INPP5J: variants seen among roughly 807,000 people sequenced by gnomAD.
The protein encoded by INPP5J is inositol polyphosphate-5-phosphatase J, also known as phosphatidylinositol 4,5-bisphosphate 5-phosphatase A.
Under a neutral mutation model 86.6 loss-of-function variants are expected in INPP5J, and 75 were observed. That is an observed-to-expected ratio of 0.87 (90% confidence interval 0.72 to 1.05). The LOEUF is 1.05. Ranked by LOEUF, INPP5J falls within the 50% of genes least tolerant of loss-of-function variation. INPP5J has a pLI of 0.00. For synonymous variants in INPP5J, 540 were observed against 550.0 expected (o/e 0.98, Z 0.25); for missense variants, 1,229 against 1,341.2 (o/e 0.92, Z 1.31).
chr22:31,127,921 C>G lies in INPP5J; in HGVS notation c.1788-30C>G, dbSNP rs776531507. ...CCTGTTGACACCCCCCACTGCCCCC[C>G]ACATCTCTCCCATCCCCCACCCCAA... On this transcript the variant is annotated intron_variant, in intron 6 of 12. Coordinates refer to ENST00000331075, the MANE Select transcript of INPP5J (RefSeq NM_001284285.2). 28 of 1,310,426 alleles carry G rather than the reference C, an allele frequency of 2.1e-5. No individual in the cohort carries two copies. In the East Asian group the frequency reaches 6.0e-4, roughly 28 times the overall value. 81.2% of individuals were successfully genotyped at this position (1,310,426 alleles called of 1,614,324 possible).
intron 1 of INPP5J, chr22:31,124,300 G>GA (rs1237450827): frequency 2.0e-6 from 2 of 987,910 alleles, no homozygotes; most frequent in Non-Finnish European, 2.4e-6. Flanking sequence ...AAGGGATTTG[G>GA]ATGTTTAGGG....
In INPP5J at chr22:31,125,084, G is replaced by A. The variant is rs780234281; in HGVS notation, c.345G>A (p.Val115=). The A allele has an allele frequency of 5.2e-6, 8 of 1,549,634 alleles. No homozygotes were observed. In the East Asian group the frequency reaches 1.5e-4, roughly 28 times the overall value. ...SLAPTSVGQL[V]MSASAGPKPP... ...CCCCAACATCTGTGGGCCAGCTGGT[G>A]ATGTCTGCCTCAGCTGGACCAAAGC... The change falls in exon 2 of 13, where the codon GTG becomes GTA. Residue 115 remains valine, a synonymous_variant. Coordinates refer to ENST00000331075, the MANE Select transcript of INPP5J (RefSeq NM_001284285.2).
chr22:31,126,703 G>A lies in INPP5J; in HGVS notation c.1476G>A (p.Gly492=). 6.2e-7 allele frequency: 1 copy of A among 1,613,638 alleles called. No homozygotes were observed. Among genetic ancestry groups the A allele is most frequent in the Non-Finnish European group, 8.5e-7 (1 of 1,179,566 alleles). The change falls in exon 4 of 13, where the codon GGG becomes GGA. Residue 492 remains glycine, a synonymous_variant. Transcript: ENST00000331075. ...GTGAGCTGTTCATGGATGCGCTAGG[G>A]CCCTTCAACTTCGTGCTGGTAACGC... ...QWSELFMDAL[G]PFNFVLVSSV... is the part of the protein sequence containing the mutation.
intron 11 of INPP5J, 31 bp from the exon 12 acceptor site, chr22:31,133,579 C>T (rs772406395): frequency 6.3e-7 from 1 of 1,599,530 alleles, no homozygotes; most frequent in Non-Finnish European, 8.5e-7. Context: ...CCCTGACCCC[C>T]AACTTAGGCT....
Position 31,123,069 on chromosome 22 carries a change from G to A in INPP5J, c.55G>A (p.Gly19Ser). The change falls in exon 1 of 13, where the codon GGT becomes AGT. Residue 19 changes from glycine (G) to serine (S), a missense_variant. By Grantham distance (56) the Gly-to-Ser change is moderately conservative. Coordinates refer to ENST00000331075, the MANE Select transcript of INPP5J (RefSeq NM_001284285.2). The part of the protein sequence containing the change: ...SRRPGTRAGL[G>S]SLPMPQGVAQ... ...GAGGCCAGGGACCCGGGCTGGCCTG[G>A]GTTCCCTGCCCATGCCCCAGGGTGT... 4 of 1,485,392 alleles carry A rather than the reference G, an allele frequency of 2.7e-6. No individual in the cohort carries two copies. The highest frequency in any genetic ancestry group is 3.6e-6 in the Non-Finnish European group (4 of 1,120,954). The allele number at this position is 1,485,392 out of a possible 1,614,324, so 92.0% of individuals were successfully genotyped here.
intron 9 of INPP5J, among the ~76,000 whole-genome samples, chr22:31,131,507 G>C (rs1922061009): frequency 1.3e-5 from 2 of 151,674 alleles, no homozygotes; most frequent in African/African-American, 2.4e-5. Flanking sequence ...AGGTTGCAGT[G>C]AGTTGAGATG....
intron 4 of INPP5J, 83 bp from the exon 5 acceptor site, chr22:31,126,838 T>C: frequency 1.4e-6 from 2 of 1,407,356 alleles, no homozygotes; most frequent in Admixed American, 1.7e-5. Context: ...GTGACATGGG[T>C]GGGTGGAGGA....
chr22:31,123,699 A>G (rs1463200127), intron 1 of INPP5J, among the ~76,000 whole-genome samples: 1 of 152,160 alleles, frequency 6.6e-6, no homozygotes, highest in Non-Finnish European at 1.5e-5. Context: ...CTGTTACCCT[A>G]CCTAGGGCCA....
Position 31,128,534 on chromosome 22 carries a change from G to C in INPP5J, c.2073G>C (p.Gly691=). 6.2e-7 allele frequency: 1 copy of C among 1,613,504 alleles called. No individual in the cohort carries two copies. The highest frequency in any genetic ancestry group is 8.5e-7 in the Non-Finnish European group (1 of 1,179,888). The change falls in exon 9 of 13, where the codon GGG becomes GGC. Residue 691 remains glycine, a synonymous_variant. Transcript: ENST00000331075. ...RILWKVKAPG[G]GPSPSGRKSH... ...TATGGAAGGTCAAGGCTCCAGGTGG[G>C]GGTCCCAGCCCCTCAGGACGGAAGA...
intron 1 of INPP5J, among the ~76,000 whole-genome samples, chr22:31,123,727 A>G (rs1460120179): frequency 6.6e-6 from 1 of 152,160 alleles, no homozygotes; most frequent in Non-Finnish European, 1.5e-5. Flanking sequence ...GCAAGTATAG[A>G]CATTCTTCTG....
chr22:31,133,403 C>T lies in INPP5J; in HGVS notation c.2332-3C>T, dbSNP rs773139908. ...CACTGATTCCACAACACTGATCCCC[C>T]AGGTGGGTTTCCGCCATTGCAAGGA... On this transcript the variant is annotated splice_polypyrimidine_tract_variant and splice_region_variant and intron_variant, in intron 10 of 12. Transcript: ENST00000331075. 2 of 1,613,788 alleles carry T rather than the reference C, an allele frequency of 1.2e-6. No individual in the cohort carries two copies.
intron 9 of INPP5J, among the ~76,000 whole-genome samples, chr22:31,129,535 C>T (rs968986483): frequency 5.6e-5 from 8 of 142,924 alleles, no homozygotes; most frequent in African/African-American, 1.0e-4. Context: ...CCACTGTGCC[C>T]GGCGCCCTTT....
At position 31,127,379 on chromosome 22, in the gene INPP5J, T is replaced by G; in HGVS notation, c.1634T>G (p.Val545Gly). 6.2e-7 allele frequency: 1 copy of G among 1,612,784 alleles called. No homozygotes were observed. Among genetic ancestry groups the G allele is most frequent in the Non-Finnish European group, 8.5e-7 (1 of 1,179,382 alleles). The change falls in exon 6 of 13, where the codon GTG becomes GGG. Residue 545 changes from valine (V) to glycine (G), a missense_variant. Physicochemically the swap from Val to Gly is moderately radical, Grantham distance 109. Coordinates refer to ENST00000331075, the MANE Select transcript of INPP5J (RefSeq NM_001284285.2). ...GYWGNKGGVS[V>G]RLAAFGHMLC... ...TAGGGTAACAAGGGTGGCGTGAGCG[T>G]GCGCCTGGCGGCCTTCGGGCACATG...
At position 31,123,055 on chromosome 22, in the gene INPP5J, C is replaced by T. The variant is rs780773034; in HGVS notation, c.41C>T (p.Thr14Ile). 4.7e-6 allele frequency: 7 copies of T among 1,480,074 alleles called. No individual in the cohort carries two copies. The South Asian group carries it at 9.3e-5, about 20-fold the overall frequency. The allele number at this position is 1,480,074 out of a possible 1,614,324, so 91.7% of individuals were successfully genotyped here. The change falls in exon 1 of 13, where the codon ACC becomes ATC. Residue 14 changes from threonine to isoleucine, a missense_variant. By Grantham distance (89) the Thr-to-Ile change is moderately conservative. Transcript: ENST00000331075. ...QSSRGSRRPG[T>I]RAGLGSLPMP... is the part of the protein sequence containing the mutation. Reference sequence around the variant, plus strand: ...AGCAGGGGCAGCAGGAGGCCAGGGACCCGGGCTGGCCTGGGTTCCCTGCCC... The same window carrying T: ...AGCAGGGGCAGCAGGAGGCCAGGGATCCGGGCTGGCCTGGGTTCCCTGCCC...
rs1261751367 is a variant in INPP5J at position 31,134,218 on chromosome 22, G to T, written c.2820G>T (p.Gly940=). Residue 940 remains glycine (G), a synonymous_variant, in exon 13 of 13, where the codon GGG becomes GGT. Transcript: ENST00000331075. ...GCAGCCGGGGCAGTAGTGAAGAGGG[G>T]CCCTCTGGGTTGCCTGGCCCCTGGG... ...NGSSRGSSEE[G]PSGLPGPWAF... is the part of the protein sequence containing the mutation. 2 of 1,549,956 alleles carry T rather than the reference G, an allele frequency of 1.3e-6. No individual in the cohort carries two copies. Among genetic ancestry groups the T allele is most frequent in the African/African-American group, 1.4e-5 (1 of 73,042 alleles).
At position 31,128,523 on chromosome 22, in the gene INPP5J, G is replaced by T; in HGVS notation, c.2062G>T (p.Ala688Ser). 1.2e-6 allele frequency: 2 copies of T among 1,613,484 alleles called. No individual in the cohort carries two copies. Among genetic ancestry groups the T allele is most frequent in the Non-Finnish European group, 1.7e-6 (2 of 1,179,878 alleles). ...AGACCGTATCCTATGGAAGGTCAAG[G>T]CTCCAGGTGGGGGTCCCAGCCCCTC... ...WTDRILWKVK[A>S]PGGGPSPSGR... is the part of the protein sequence containing the mutation. The change falls in exon 9 of 13, where the codon GCT (alanine) becomes TCT (serine). Residue 688 changes from alanine to serine, a missense_variant. Ala to Ser is a moderately conservative substitution (Grantham distance 99). Transcript: ENST00000331075.
Position 31,128,004 on chromosome 22 carries a change from A to G in INPP5J, c.1841A>G (p.His614Arg), listed in dbSNP as rs1038149428. 1.2e-6 allele frequency: 2 copies of G among 1,610,748 alleles called. No homozygotes were observed. The highest frequency in any genetic ancestry group is 1.7e-6 in the Non-Finnish European group (2 of 1,179,418). The change falls in exon 7 of 13, where the codon CAC becomes CGC. Residue 614 changes from histidine to arginine, a missense_variant. Coordinates refer to ENST00000331075, the MANE Select transcript of INPP5J (RefSeq NM_001284285.2). ...LNFRIESYDL[H>R]FVKFAIDSDQ... is the part of the protein sequence containing the mutation. ...TTCCGCATTGAGAGCTATGACCTGC[A>G]CTTTGTCAAGTTTGCCATCGACAGT... is the stretch of plus-strand genomic sequence containing the variant.
In INPP5J at chr22:31,133,473, A is replaced by C. The variant is rs1240303564; in HGVS notation, c.2399A>C (p.Asn800Thr). ...VWAKHEDVDG[N>T]TYQVTFSEES... ...GCCAAACATGAAGATGTGGATGGGAATACCTACCAGGTACTTAAAAGGAGT... is the reference window on the plus strand; with the variant it reads ...GCCAAACATGAAGATGTGGATGGGACTACCTACCAGGTACTTAAAAGGAGT... The change falls in exon 11 of 13, where the codon AAT becomes ACT. Residue 800 changes from asparagine to threonine, a missense_variant. By Grantham distance (65) the Asn-to-Thr change is moderately conservative. Coordinates refer to ENST00000331075, the MANE Select transcript of INPP5J (RefSeq NM_001284285.2). 2.5e-6 allele frequency: 4 copies of C among 1,613,770 alleles called. No homozygotes were observed. Among genetic ancestry groups the C allele is most frequent in the East Asian group, 2.2e-5 (1 of 44,880 alleles).
rs1921506226 is a variant in INPP5J, at chr22:31,126,790, C to T, written c.1494+69C>T. 2.7e-6 allele frequency: 4 copies of T among 1,495,402 alleles called. No individual in the cohort carries two copies. In the Admixed American group the frequency reaches 5.0e-5, roughly 19 times the overall value. The allele number at this position is 1,495,402 out of a possible 1,614,324, so 92.6% of individuals were successfully genotyped here. A position where few individuals can be genotyped will look rare whatever the true frequency, so the allele number is the denominator to read the frequency against. On this transcript the variant is annotated intron_variant, in intron 4 of 12. Transcript: ENST00000331075. ...ATTCCTGGCTCCAGCTGTACCCTGG[C>T]TCACTGTGGGGCCCGCTGGGCCTCT...
Sources: allele counts gnomAD v4.1 joint callset (sites outside exome capture counted in the v4.1 genomes callset), GRCh38; gene constraint gnomAD v4.1.1; transcripts MANE v1.5; gene names NCBI Gene and HGNC (gene_info 2026-07-23, HGNC 2026-07-21).